ABL2: variants seen among roughly 807,000 people sequenced by gnomAD.
ABL2 encodes tyrosine-protein kinase ABL2.
In ABL2, 49 loss-of-function variants were observed where a neutral mutation model predicts 107.7. That is an observed-to-expected ratio of 0.45 (90% CI 0.36 to 0.58). ABL2 has a LOEUF of 0.58. ABL2 is among the 20% of genes least tolerant of loss of function. The pLI is 0.00. For missense variants in ABL2, 1,245 were observed against 1,457.0 expected, an observed-to-expected ratio of 0.85 and a Z score of 2.37; for synonymous variants, 549 against 548.6, an observed-to-expected ratio of 1.00 and a Z score of -0.01.
chr1:179,154,996 C>T (rs2102738787), intron 1 of ABL2, among the ~76,000 whole-genome samples: 1 of 152,290 alleles, frequency 6.6e-6, no homozygotes, highest in South Asian at 2.1e-4. Context: ...GAAAGACAGG[C>T]ATTATTATCA....
intron 1 of ABL2, among the ~76,000 whole-genome samples, chr1:179,174,920 A>T (rs6699363): frequency 0.56 from 66,715 of 119,970 alleles, 18,902 homozygotes; most frequent in Admixed American, 0.62. Flanking sequence ...AAAATAAAAA[A>T]AATAATAATA....
At chr1:179,226,495 G>A (rs1296637004) in intron 1 of ABL2, among the ~76,000 whole-genome samples, 6 of 151,862 alleles carry the variant, frequency 4.0e-5, no homozygotes, top group African/African-American at 7.3e-5. Flanking sequence ...TTTTAGTACA[G>A]ACGAGGTTTC....
chr1:179,107,995 T>G lies in ABL2; in HGVS notation c.3272A>C (p.Glu1091Ala). The change falls in exon 12 of 12, where the codon GAA becomes GCA. Residue 1091 changes from glutamate (E) to alanine (A), a missense_variant. Glu to Ala is a moderately radical substitution (Grantham distance 107, BLOSUM62 -1). Transcript: ENST00000502732. ...ADKISKEALL[E>A]CADLLSSALT... ...TGCACTGGACAGTAGGTCAGCACAT[T>G]CCAGCAGGGCCTCTTTGCTGATTTT... is the stretch of plus-strand genomic sequence containing the variant. 1 of 1,614,248 alleles carries G rather than the reference T, an allele frequency of 6.2e-7. No individual in the cohort carries two copies. Among genetic ancestry groups the G allele is most frequent in the Non-Finnish European group, 8.5e-7 (1 of 1,180,048 alleles).
rs115651190 is a variant in ABL2, at chr1:179,194,318, C to T, written c.157+34923G>A. ...TCAATCATCCTTAATAGTTTCCTAA[C>T]GGGCAAAGGAAGTTTTTATGGAAAT... On this transcript the variant is annotated intron_variant, in intron 1 of 11. Coordinates refer to ENST00000502732, the MANE Select transcript of ABL2 (RefSeq NM_007314.4). Among the ~76,000 whole-genome samples the T allele has an allele frequency of 4.9e-3, 752 of 152,166 alleles. 9 individuals carry two copies. The highest frequency in any genetic ancestry group is 0.017 in the African/African-American group (714 of 41,512).
At chr1:179,120,626 T>G (rs1001149702) in intron 5 of ABL2, among the ~76,000 whole-genome samples, 4 of 152,080 alleles carry the variant, frequency 2.6e-5, no homozygotes, top group Non-Finnish European at 4.4e-5. Context: ...GGTTTTGCAA[T>G]GTTGGCCAGG....
chr1:179,162,388 C>T (rs1659120288), intron 1 of ABL2, among the ~76,000 whole-genome samples: 1 of 152,044 alleles, frequency 6.6e-6, no homozygotes, highest in South Asian at 2.1e-4. Context: ...AACTCAAGAC[C>T]AGCTGGGCCA....
intron 1 of ABL2, among the ~76,000 whole-genome samples, chr1:179,143,445 T>C (rs569872175): frequency 6.6e-6 from 1 of 152,290 alleles, no homozygotes; most frequent in South Asian, 2.1e-4. Context: ...CTGTTTACAA[T>C]AAAACACGAA....
In ABL2 at chr1:179,102,942, C is replaced by T. The variant is rs986609458; in HGVS notation, c.*4776G>A. 3 of 226,530 alleles carry T rather than the reference C, an allele frequency of 1.3e-5. No individual in the cohort carries two copies. Among genetic ancestry groups the T allele is most frequent in the Admixed American group, 5.7e-5 (1 of 17,530 alleles). 14.0% of individuals were successfully genotyped at this position (226,530 alleles called of 1,614,324 possible). ...GCACTGGTTTTATGGCCATCCACCTCCCCCTGTAAACCTAACAAAACTATG... is the reference window on the plus strand; with the variant it reads ...GCACTGGTTTTATGGCCATCCACCTTCCCCTGTAAACCTAACAAAACTATG... On this transcript the variant is annotated 3_prime_UTR_variant, in exon 12 of 12. Transcript: ENST00000502732.
At chr1:179,180,623 G>A (rs550259277) in intron 1 of ABL2, among the ~76,000 whole-genome samples, 5 of 152,180 alleles carry the variant, frequency 3.3e-5, no homozygotes, top group African/African-American at 1.2e-4. Flanking sequence ...GTGCATAAGG[G>A]TCACCTCCAG....
chr1:179,181,750 T>C (rs1660384701), intron 1 of ABL2, among the ~76,000 whole-genome samples: 1 of 152,036 alleles, frequency 6.6e-6, no homozygotes, highest in African/African-American at 2.4e-5. Flanking sequence ...CTGACCGCTA[T>C]CTTTGAACTA....
intron 1 of ABL2, among the ~76,000 whole-genome samples, chr1:179,212,530 C>T (rs891332510): frequency 1.3e-5 from 2 of 151,900 alleles, no homozygotes; most frequent in Non-Finnish European, 2.9e-5. Flanking sequence ...GTCGGGAGTT[C>T]GAGACCAGCC....
chr1:179,103,976 A>G lies in ABL2; in HGVS notation c.*3742T>C, dbSNP rs186082548. On this transcript the variant is annotated 3_prime_UTR_variant, in exon 12 of 12. Transcript: ENST00000502732. ...AAACACCTGGCGAGATTACTGGAGAATACACTGGCCGAGACCCCAGCCCAC... is the reference window on the plus strand; with the variant it reads ...AAACACCTGGCGAGATTACTGGAGAGTACACTGGCCGAGACCCCAGCCCAC... 11 of 233,552 alleles carry G rather than the reference A, an allele frequency of 4.7e-5. No individual in the cohort carries two copies. The East Asian group carries it at 6.6e-4, about 14-fold the overall frequency. 14.5% of individuals were successfully genotyped at this position (233,552 alleles called of 1,614,324 possible).
Position 179,105,450 on chromosome 1 carries a change from T to C in ABL2, c.*2268A>G. 4.3e-6 allele frequency: 1 copy of C among 231,032 alleles called. No homozygotes were observed. Among genetic ancestry groups the C allele is most frequent in the East Asian group, 6.1e-5 (1 of 16,308 alleles). 14.3% of individuals were successfully genotyped at this position (231,032 alleles called of 1,614,324 possible). A position where few individuals can be genotyped will look rare whatever the true frequency, so the allele number is the denominator to read the frequency against. On this transcript the variant is annotated 3_prime_UTR_variant, in exon 12 of 12. Coordinates refer to ENST00000502732, the MANE Select transcript of ABL2 (RefSeq NM_007314.4). ...TTTCCCATCCTCGACCTTAAAAGGC[T>C]AGCTGCTAAAACGAGTTCTTCAAGT... is the stretch of plus-strand genomic sequence containing the variant.
chr1:179,189,870 G>C (rs1660897372), intron 1 of ABL2, among the ~76,000 whole-genome samples: 1 of 151,896 alleles, frequency 6.6e-6, no homozygotes, highest in Admixed American at 6.6e-5. Flanking sequence ...GCCCAGACTG[G>C]AGTGCAACGG....
At chr1:179,115,225 T>TA (rs2102603365) in intron 8 of ABL2, among the ~76,000 whole-genome samples, 195 bp from the exon 9 acceptor site, 1 of 152,372 alleles carries the variant, frequency 6.6e-6, no homozygotes, top group African/African-American at 2.4e-5. Context: ...ATGCTGCAGA[T>TA]AATCTCAAGA....
chr1:179,184,518 C>A, intron 1 of ABL2: 1 of 660,352 alleles, frequency 1.5e-6, no homozygotes, highest in Non-Finnish European at 2.6e-6. Context: ...TTGTCCCATC[C>A]CATTACAGTA....
chr1:179,123,673 G>A (rs1448237502), intron 4 of ABL2, among the ~76,000 whole-genome samples: 4 of 152,118 alleles, frequency 2.6e-5, no homozygotes, highest in Admixed American at 6.5e-5. Flanking sequence ...TCGGTTGCCC[G>A]GCCTGGAGTG....
At chr1:179,110,206 C>T (rs1341820944) in intron 11 of ABL2, 76 bp downstream of exon 11, 13 of 1,538,912 alleles carry the variant, frequency 8.4e-6, no homozygotes, top group East Asian at 2.2e-5. Flanking sequence ...TGAAAGTGGA[C>T]ATAAAAGCCT....
chr1:179,099,709 G>C lies in ABL2; in HGVS notation c.*8009C>G, dbSNP rs1339791898. 1.7e-5 allele frequency: 4 copies of C among 231,110 alleles called. No homozygotes were observed. Among genetic ancestry groups the C allele is most frequent in the Middle Eastern group, 1.3e-3 (1 of 772 alleles). The allele number at this position is 231,110 out of a possible 1,614,324, so 14.3% of individuals were successfully genotyped here. A position where few individuals can be genotyped will look rare whatever the true frequency, so the allele number is the denominator to read the frequency against. ...GACCTTTGGTATAAACGTTCAACGAGTTTTAAAGAATTGAATCCGCATGTT... is the reference window on the plus strand; with the variant it reads ...GACCTTTGGTATAAACGTTCAACGACTTTTAAAGAATTGAATCCGCATGTT... On this transcript the variant is annotated 3_prime_UTR_variant, in exon 12 of 12. Transcript: ENST00000502732.
Sources: allele counts gnomAD v4.1 joint callset (sites outside exome capture counted in the v4.1 genomes callset), GRCh38; gene constraint gnomAD v4.1.1; transcripts MANE v1.5; gene names NCBI Gene and HGNC (gene_info 2026-07-23, HGNC 2026-07-21).